Variants in ERCC8 observed in about 807,000 individuals in gnomAD.
ERCC8 encodes DNA excision repair protein ERCC-8.
A neutral mutation model predicts 54.9 loss-of-function variants in ERCC8; 52 were observed. The ratio of observed to expected loss-of-function variants is 0.95; its 90% CI spans 0.76 to 1.19. The LOEUF is 1.19. ERCC8 is among the 50% of genes most tolerant of loss of function. The pLI is 0.00. For missense variants in ERCC8, 514 were observed against 466.1 expected (o/e 1.10, Z -0.95); for synonymous variants, 146 against 157.2 (o/e 0.93, Z 0.53).
At chr5:60,889,374 G>A (rs1748483175) in intron 10 of ERCC8, among the ~76,000 whole-genome samples, 1 of 152,150 alleles carries the variant, frequency 6.6e-6, no homozygotes, top group African/African-American at 2.4e-5. Context: ...GTGCAGTGGT[G>A]TGAACACGGC....
At chr5:60,902,339 T>A (rs1220276517) in intron 7 of ERCC8, 103 bp downstream of exon 7, 2 of 850,292 alleles carry the variant, frequency 2.4e-6, no homozygotes, top group Non-Finnish European at 3.8e-6. Flanking sequence ...AAGGAGTGAA[T>A]TAATAATTAA....
At chr5:60,920,750 C>T (rs865912887) in intron 3 of ERCC8, among the ~76,000 whole-genome samples, 6 of 151,890 alleles carry the variant, frequency 4.0e-5, no homozygotes, top group African/African-American at 1.4e-4. Flanking sequence ...ACAAGACTGA[C>T]ACATTACGCA....
Position 60,914,046 on chromosome 5 carries a change from G to A in ERCC8, c.399+4219C>T, listed in dbSNP as rs552063726. ...AATTCTGGAATAAGTGCAATGTGGT[G>A]CTGGGAAGAATGTATATTCTGTTGA... On this transcript the variant is annotated intron_variant, in intron 4 of 11. Coordinates refer to ENST00000676185, the MANE Select transcript of ERCC8 (RefSeq NM_000082.4). Among the ~76,000 whole-genome samples the A allele has an allele frequency of 2.0e-5, 3 of 152,240 alleles. No homozygotes were observed. The South Asian group carries it at 6.2e-4, about 32-fold the overall frequency.
intron 1 of ERCC8, among the ~76,000 whole-genome samples, chr5:60,935,783 C>G (rs1013352197): frequency 2.0e-5 from 3 of 152,142 alleles, no homozygotes; most frequent in Admixed American, 2.0e-4. Context: ...TTTTCTGCAT[C>G]TATTGAGATA....
At position 60,899,676 on chromosome 5, in the gene ERCC8, CA is replaced by C. The variant is rs1220181480; in HGVS notation, c.668del (p.Leu223Ter). 1 of 1,612,446 alleles carries C rather than the reference CA, an allele frequency of 6.2e-7. No individual in the cohort carries two copies. The highest frequency in any genetic ancestry group is 2.2e-5 in the East Asian group (1 of 44,766). On this transcript the variant is annotated frameshift_variant, in exon 8 of 12. Coordinates refer to ENST00000676185, the MANE Select transcript of ERCC8 (RefSeq NM_000082.4). LOFTEE classifies it high-confidence loss of function. ...LWDVRRASGC[L>X]ITLDQHNGKK... ...TCCCATTATGTTGATCAAGAGTAAT[CA>C]AACATCCTGATGCTCTTCTCACATC...
intron 11 of ERCC8, among the ~76,000 whole-genome samples, chr5:60,875,746 G>C (rs1747979040): frequency 1.3e-5 from 2 of 152,044 alleles, no homozygotes; most frequent in South Asian, 2.1e-4. Context: ...GCCCGGGCTG[G>C]AGTGCAGTGG....
chr5:60,887,634 T>C lies in ERCC8; in HGVS notation c.1042-114A>G, dbSNP rs535420127. On this transcript the variant is annotated intron_variant, in intron 10 of 11. Transcript: ENST00000676185. ...ATAATAATTAGATTAATGCTATTTC[T>C]ACTCCCTAAAGAAACTAGGCCAATG... The C allele has an allele frequency of 5.0e-5, 40 of 799,346 alleles. No homozygotes were observed. In the South Asian group the frequency reaches 5.8e-4, roughly 12 times the overall value. The allele number at this position is 799,346 out of a possible 1,614,324, so 49.5% of individuals were successfully genotyped here.
At position 60,890,791 on chromosome 5, in the gene ERCC8, C is replaced by T. The variant is rs2306350; in HGVS notation, c.1041+98G>A. ...TCCTACTACAAATGTGGATTAAAAG[C>T]ATAACTCCTCAGAATAAAATCATAA... On this transcript the variant is annotated intron_variant, in intron 10 of 11. Transcript: ENST00000676185. The T allele has an allele frequency of 0.82, 727,200 of 885,054 alleles. 300,298 individuals carry two copies. Among genetic ancestry groups the T allele is most frequent in the African/African-American group, 0.96 (57,746 of 60,412 alleles). 54.8% of individuals were successfully genotyped at this position (885,054 alleles called of 1,614,324 possible). A position where few individuals can be genotyped will look rare whatever the true frequency, so the allele number is the denominator to read the frequency against.
At chr5:60,896,063 C>T (rs1485331272) in intron 9 of ERCC8, among the ~76,000 whole-genome samples, 3 of 152,056 alleles carry the variant, frequency 2.0e-5, no homozygotes, top group East Asian at 1.9e-4. Context: ...CTCGGCTCAC[C>T]GCAACCTCTG....
chr5:60,923,227 CT>C (rs1398711117), intron 2 of ERCC8, among the ~76,000 whole-genome samples: 1 of 152,096 alleles, frequency 6.6e-6, no homozygotes, highest in Non-Finnish European at 1.5e-5. Context: ...TATTCAAAAA[CT>C]TTGCAAAAAT....
chr5:60,874,958 A>G (rs1446976400), intron 11 of ERCC8, among the ~76,000 whole-genome samples: 1 of 152,152 alleles, frequency 6.6e-6, no homozygotes, highest in East Asian at 1.9e-4. Flanking sequence ...ACATACATAC[A>G]TATACTATGA....
At chr5:60,880,479 C>A (rs1300759970) in intron 11 of ERCC8, among the ~76,000 whole-genome samples, 1 of 152,182 alleles carries the variant, frequency 6.6e-6, no homozygotes, top group Non-Finnish European at 1.5e-5. Context: ...TGGTTCCATT[C>A]TCCCCGTCAC....
At chr5:60,892,941 T>G (rs1042987849) in intron 9 of ERCC8, 1 of 755,242 alleles carries the variant, frequency 1.3e-6, no homozygotes, top group Non-Finnish European at 2.5e-6. Context: ...AAGGCAGCAA[T>G]AGTTCCCCAG....
intron 11 of ERCC8, among the ~76,000 whole-genome samples, chr5:60,876,543 T>C (rs1748014260): frequency 6.6e-6 from 1 of 152,216 alleles, no homozygotes; most frequent in Non-Finnish European, 1.5e-5. Flanking sequence ...CAGCACCTGT[T>C]GTTCCCTGAC....
In ERCC8 at chr5:60,874,548, C is replaced by T. The variant is rs1222851968; in HGVS notation, c.*67G>A. 1.2e-5 allele frequency: 17 copies of T among 1,361,862 alleles called. No individual in the cohort carries two copies. The highest frequency in any genetic ancestry group is 8.7e-5 in the Admixed American group (5 of 57,312). The allele number at this position is 1,361,862 out of a possible 1,614,324, so 84.4% of individuals were successfully genotyped here. On this transcript the variant is annotated 3_prime_UTR_variant, in exon 12 of 12. Coordinates refer to ENST00000676185, the MANE Select transcript of ERCC8 (RefSeq NM_000082.4). Reference sequence around the variant, plus strand: ...ATTTAGCTGTCAGGAATAGACCATACAGTTGAAAAAAACACAGTCTCATTT... The same window carrying T: ...ATTTAGCTGTCAGGAATAGACCATATAGTTGAAAAAAACACAGTCTCATTT...
rs1409203636 is a variant in ERCC8 at position 60,892,468 on chromosome 5, G to A, written c.844-1382C>T. On this transcript the variant is annotated intron_variant, in intron 9 of 11. Transcript: ENST00000676185. Reference sequence around the variant, plus strand: ...GCAGGCAGAGTGTGAGTGGGTGGTGGTGGTCTATAGAAGCTGATCTTCCCG... The same window carrying A: ...GCAGGCAGAGTGTGAGTGGGTGGTGATGGTCTATAGAAGCTGATCTTCCCG... The A allele has an allele frequency of 5.3e-6, 3 of 565,630 alleles. No homozygotes were observed. In the African/African-American group the frequency reaches 5.6e-5, roughly 11 times the overall value. The allele number at this position is 565,630 out of a possible 1,614,324, so 35.0% of individuals were successfully genotyped here.
At chr5:60,890,656 T>C (rs933769568) in intron 10 of ERCC8, among the ~76,000 whole-genome samples, 15 of 152,226 alleles carry the variant, frequency 9.9e-5, no homozygotes, top group Non-Finnish European at 1.5e-4. Context: ...GAAGGTCATA[T>C]GCAAAAGAAA....
intron 2 of ERCC8, chr5:60,924,255 T>C (rs759192025): frequency 6.6e-6 from 1 of 152,618 alleles, no homozygotes; most frequent in Non-Finnish European, 1.5e-5. Context: ...TATACATTTA[T>C]ATAAAGTGTT....
intron 4 of ERCC8, 39 bp downstream of exon 4, chr5:60,918,226 A>C (rs1487794428): frequency 6.7e-7 from 1 of 1,492,604 alleles, no homozygotes. Flanking sequence ...ATTCTCCTTT[A>C]TCCTACAAAG....
Sources: gnomAD v4.1 joint callset for allele counts (sites outside exome capture counted in the v4.1 genomes callset) on GRCh38, gnomAD v4.1.1 for gene constraint, MANE v1.5 for transcripts, NCBI Gene and HGNC (gene_info 2026-07-23, HGNC 2026-07-21) for gene names.